PMEL: variants seen among roughly 807,000 people sequenced by gnomAD.
PMEL encodes the protein melanocyte protein PMEL.
PMEL carries 53 observed loss-of-function variants against 64.9 expected under a neutral mutation model. The observed-to-expected ratio is 0.82, with a 90% CI of 0.66 to 1.03. The LOEUF is 1.03. PMEL is among the 50% of genes least tolerant of loss of function. PMEL has a pLI of 0.00. For synonymous variants in PMEL, 299 were observed against 316.2 expected, an observed-to-expected ratio of 0.95 and a Z score of 0.58; for missense variants, 716 against 814.9, an observed-to-expected ratio of 0.88 and a Z score of 1.48.
At position 55,960,539 on chromosome 12, in the gene PMEL, T is replaced by G. The variant is rs1418648113; in HGVS notation, c.334+778A>C. 3.6e-3 allele frequency among the ~76,000 whole-genome samples: 370 copies of G among 102,178 alleles called. 5 individuals carry two copies. The highest frequency in any genetic ancestry group is 0.011 in the African/African-American group (284 of 26,062). 67.0% of individuals were successfully genotyped at this position (102,178 alleles called of 152,430 possible). A position where few individuals can be genotyped will look rare whatever the true frequency, so the allele number is the denominator to read the frequency against. On this transcript the variant is annotated intron_variant, in intron 3 of 10. Transcript: ENST00000548747. ...ATTTTCTTTTCTTTTTGCTTTCTGT[T>G]TTTTTTTTTTTTTTTTTTTTTGAAA...
chr12:55,955,704 G>GA, intron 8 of PMEL, 35 bp from the exon 9 acceptor site: 1 of 1,610,846 alleles, frequency 6.2e-7, no homozygotes, highest in Non-Finnish European at 8.5e-7. Flanking sequence ...AGGGGATCTG[G>GA]GAAGGGACAC....
At chr12:55,965,160 C>CT (rs1344939307) in intron 1 of PMEL, among the ~76,000 whole-genome samples, 1 of 152,078 alleles carries the variant, frequency 6.6e-6, no homozygotes, top group Non-Finnish European at 1.5e-5. Flanking sequence ...AACTCCTGAC[C>CT]TCGTGATCCA....
intron 3 of PMEL, among the ~76,000 whole-genome samples, chr12:55,960,210 C>CAAAAAA (rs56810428): frequency 1.4e-4 from 8 of 56,230 alleles, no homozygotes; most frequent in African/African-American, 3.7e-4. Flanking sequence ...GACTCTGTCT[C>CAAAAAA]AAAAAAAAAA....
At position 55,963,905 on chromosome 12, in the gene PMEL, T is replaced by C. The variant is rs572579148; in HGVS notation, c.76+2031A>G. On this transcript the variant is annotated intron_variant, in intron 1 of 10. Coordinates refer to ENST00000548747, the MANE Select transcript of PMEL (RefSeq NM_001384361.1). ...CTTCCCTCCCCTCTCCTCTCCTTTCTGTATATAGTTCAGCACAGCAAAAAC... is the reference window on the plus strand; with the variant it reads ...CTTCCCTCCCCTCTCCTCTCCTTTCCGTATATAGTTCAGCACAGCAAAAAC... Among the ~76,000 whole-genome samples the C allele has an allele frequency of 1.2e-3, 176 of 151,822 alleles. 1 individual carries two copies. The highest frequency in any genetic ancestry group is 4.1e-3 in the African/African-American group (171 of 41,418).
At chr12:55,963,333 C>T (rs1221969073) in intron 1 of PMEL, among the ~76,000 whole-genome samples, 2 of 152,140 alleles carry the variant, frequency 1.3e-5, no homozygotes, top group African/African-American at 4.8e-5. Flanking sequence ...TATGCTGGAC[C>T]TCCATCTGCC....
rs1428867080 is a variant in PMEL at position 55,955,875 on chromosome 12, C to T, written c.1472-12G>A. On this transcript the variant is annotated splice_polypyrimidine_tract_variant and intron_variant, in intron 7 of 10. Coordinates refer to ENST00000548747, the MANE Select transcript of PMEL (RefSeq NM_001384361.1). The stretch of plus-strand genomic sequence containing the variant: ...ACTTTCAATACCCTCTGCAGAGTTG[C>T]AAGCTTATCAAATTAGGATTCCTCT... 4 of 1,611,844 alleles carry T rather than the reference C, an allele frequency of 2.5e-6. No homozygotes were observed. The East Asian group carries it at 6.7e-5, about 27-fold the overall frequency.
chr12:55,964,035 G>A (rs1489324078), intron 1 of PMEL, among the ~76,000 whole-genome samples: 4 of 150,934 alleles, frequency 2.7e-5, no homozygotes, highest in East Asian at 1.9e-4. Context: ...CTCACCCTGC[G>A]TGCAGTGGCA....
In PMEL at chr12:55,955,673, G is replaced by A. The variant is rs771232510; in HGVS notation, c.1557-4C>T. 1.9e-6 allele frequency: 3 copies of A among 1,612,312 alleles called. No homozygotes were observed. Among genetic ancestry groups the A allele is most frequent in the South Asian group, 2.2e-5 (2 of 90,980 alleles). ...CATGCAGGCTTCCTTGGGCAGCCTGGAAGAAGTGTCAGCATATATAAGGGG... is the reference window on the plus strand; with the variant it reads ...CATGCAGGCTTCCTTGGGCAGCCTGAAAGAAGTGTCAGCATATATAAGGGG... On this transcript the variant is annotated splice_polypyrimidine_tract_variant and splice_region_variant and intron_variant, in intron 8 of 10. Coordinates refer to ENST00000548747, the MANE Select transcript of PMEL (RefSeq NM_001384361.1).
chr12:55,960,195 A>C (rs1328145261), intron 3 of PMEL, among the ~76,000 whole-genome samples: 1 of 146,380 alleles, frequency 6.8e-6, no homozygotes, highest in East Asian at 2.0e-4. Context: ...TGAGCGACAC[A>C]GCCAGACTCT....
chr12:55,958,771 G>A (rs774300807), intron 3 of PMEL, 164 bp from the exon 4 acceptor site: 38 of 694,548 alleles, frequency 5.5e-5, no homozygotes, highest in Non-Finnish European at 8.9e-5. Flanking sequence ...GTTGGGGGTT[G>A]AGGGTGTGGA....
At chr12:55,958,704 G>A in intron 3 of PMEL, 97 bp from the exon 4 acceptor site, 1 of 1,225,874 alleles carries the variant, frequency 8.2e-7, no homozygotes, top group Non-Finnish European at 1.2e-6. Context: ...GAGGGGCTCT[G>A]GGAATATTCC....
chr12:55,955,243 G>C (rs763577404), intron 10 of PMEL, 31 bp downstream of exon 10: 2 of 1,441,394 alleles, frequency 1.4e-6, no homozygotes, highest in Non-Finnish European at 2.0e-6. Context: ...TAAGGGATAA[G>C]GGGGTCTGAG....
chr12:55,955,463 C>A lies in PMEL; in HGVS notation c.1762+1G>T, dbSNP rs1475228872. ...ATCTTAGCTCTTGTCCAAGGACCTA[C>A]CAGGCATGATAAGCTGGGTGCTGAC... On this transcript the variant is annotated splice_donor_variant, in intron 9 of 10. Coordinates refer to ENST00000548747, the MANE Select transcript of PMEL (RefSeq NM_001384361.1). LOFTEE classifies it high-confidence loss of function. 6.2e-7 allele frequency: 1 copy of A among 1,613,982 alleles called. No individual in the cohort carries two copies. Among genetic ancestry groups the A allele is most frequent in the South Asian group, 1.1e-5 (1 of 91,082 alleles).
At chr12:55,965,375 G>C (rs1336648075) in intron 1 of PMEL, among the ~76,000 whole-genome samples, 3 of 151,884 alleles carry the variant, frequency 2.0e-5, no homozygotes, top group South Asian at 4.2e-4. Flanking sequence ...AGAGCAGCAC[G>C]GGACATTCCA....
Position 55,961,749 on chromosome 12 carries a change from A to T in PMEL, c.77-17T>A. The T allele has an allele frequency of 6.5e-7, 1 of 1,544,876 alleles. No homozygotes were observed. On this transcript the variant is annotated splice_polypyrimidine_tract_variant and intron_variant, in intron 1 of 10. Transcript: ENST00000548747. Reference sequence around the variant, plus strand: ...TTCTGGGTACTAAAAGGAATGTGCCATGAAGGGCCCTAGGATCCTTTCAGT... The same window carrying T: ...TTCTGGGTACTAAAAGGAATGTGCCTTGAAGGGCCCTAGGATCCTTTCAGT...
rs772318685 is a variant in PMEL at position 55,957,229 on chromosome 12, G to T, written c.1074C>A (p.Val358=). The T allele has an allele frequency of 1.2e-6, 2 of 1,614,172 alleles. No individual in the cohort carries two copies. Among genetic ancestry groups the T allele is most frequent in the Non-Finnish European group, 1.7e-6 (2 of 1,180,022 alleles). ...GCATCTGCACAGGTGCAGTGCTTAT[G>T]ACTTCAGTGGTTGGCACCTGCACAG... The part of the protein sequence containing the change: ...TTSVQVPTTE[V]ISTAPVQMPT... Residue 358 remains valine (V), a synonymous_variant, in exon 6 of 11, where the codon GTC becomes GTA. Coordinates refer to ENST00000548747, the MANE Select transcript of PMEL (RefSeq NM_001384361.1).
chr12:55,962,507 A>T (rs961225834), intron 1 of PMEL, among the ~76,000 whole-genome samples: 10 of 99,352 alleles, frequency 1.0e-4, no homozygotes, highest in African/African-American at 7.2e-5. Flanking sequence ...TTATTTATTT[A>T]TTATTACTCT....
rs1322747685 is a variant in PMEL at position 55,965,975 on chromosome 12, C to A, written c.37G>T (p.Ala13Ser). The A allele has an allele frequency of 3.1e-6, 5 of 1,614,208 alleles. No individual in the cohort carries two copies. Among genetic ancestry groups the A allele is most frequent in the Non-Finnish European group, 4.2e-6 (5 of 1,180,022 alleles). ...LVLKRCLLHL[A>S]VIGALLAVGA... ...ACAGCCAGCAAAGCACCTATCACAGCCAAATGAAGAAGGCATCTTTTTAGC... is the reference window on the plus strand; with the variant it reads ...ACAGCCAGCAAAGCACCTATCACAGACAAATGAAGAAGGCATCTTTTTAGC... Residue 13 changes from alanine (A) to serine (S), a missense_variant, in exon 1 of 11, where the codon GCT becomes TCT. By Grantham distance (99) the Ala-to-Ser change is moderately conservative. Transcript: ENST00000548747.
intron 8 of PMEL, 41 bp downstream of exon 8, chr12:55,955,738 A>G: frequency 6.2e-7 from 1 of 1,608,774 alleles, no homozygotes; most frequent in South Asian, 1.1e-5. Flanking sequence ...GCGGAGAAAC[A>G]GTCAACCAAA....
Sources: gnomAD v4.1 joint callset for allele counts (sites outside exome capture counted in the v4.1 genomes callset) on GRCh38, gnomAD v4.1.1 for gene constraint, MANE v1.5 for transcripts, NCBI Gene and HGNC (gene_info 2026-07-23, HGNC 2026-07-21) for gene names.